Variants in PRICKLE2 observed in about 807,000 individuals in gnomAD.
The protein encoded by PRICKLE2 is prickle-like protein 2.
Under a neutral mutation model 81.4 loss-of-function variants are expected in PRICKLE2, and 21 were observed. That is an observed-to-expected ratio of 0.26 (90% CI 0.18 to 0.37). PRICKLE2 has a LOEUF of 0.37. Among genes scored for constraint, PRICKLE2 ranks in the 10% least tolerant of loss-of-function variants. The probability of loss-of-function intolerance (pLI) is 1.00; values close to 1 mark genes in which losing one functional copy is unlikely to be tolerated. For synonymous variants in PRICKLE2, 456 were observed against 421.5 expected (o/e 1.08, Z -1.00); for missense variants, 940 against 1,109.0 (o/e 0.85, Z 2.16).
intron 1 of PRICKLE2, among the ~76,000 whole-genome samples, chr3:64,212,561 G>T (rs1395493049): frequency 3.9e-5 from 6 of 152,164 alleles, no homozygotes; most frequent in Admixed American, 3.3e-4. Context: ...TGTGGACGAG[G>T]TTGGCTAAAC....
At chr3:64,158,666 G>A (rs892825144) in intron 4 of PRICKLE2, among the ~76,000 whole-genome samples, 3 of 152,134 alleles carry the variant, frequency 2.0e-5, no homozygotes, top group Admixed American at 6.5e-5. Context: ...GATCTGAGAG[G>A]AGCAAGGATT....
At chr3:64,239,224 G>A (rs2079226201) in intron 2 of PRICKLE2, among the ~76,000 whole-genome samples, 1 of 152,134 alleles carries the variant, frequency 6.6e-6, no homozygotes, top group African/African-American at 2.4e-5. Flanking sequence ...CTTAAATGGA[G>A]CACACAGAGC....
At chr3:64,205,568 C>A (rs1456643887) in intron 1 of PRICKLE2, among the ~76,000 whole-genome samples, 2 of 152,018 alleles carry the variant, frequency 1.3e-5, no homozygotes, top group Non-Finnish European at 2.9e-5. Flanking sequence ...AACCCTGAAC[C>A]ACAAGGTCTT....
rs1384074489 is a variant in PRICKLE2, at chr3:64,092,321, C to T, written c.*6730G>A. The T allele has an allele frequency of 1.3e-5, 2 of 152,188 alleles. No homozygotes were observed. Among genetic ancestry groups the T allele is most frequent in the Admixed American group, 6.5e-5 (1 of 15,280 alleles). 9.4% of individuals were successfully genotyped at this position (152,188 alleles called of 1,614,324 possible). A position where few individuals can be genotyped will look rare whatever the true frequency, so the allele number is the denominator to read the frequency against. Reference sequence around the variant, plus strand: ...CTCTTGTTGTCTGCCACTCCCAAGTCCTTGTGATTAGCTAGGGTGGGTAAG... The same window carrying T: ...CTCTTGTTGTCTGCCACTCCCAAGTTCTTGTGATTAGCTAGGGTGGGTAAG... On this transcript the variant is annotated 3_prime_UTR_variant, in exon 8 of 8. Coordinates refer to ENST00000638394, the MANE Select transcript of PRICKLE2 (RefSeq NM_198859.4).
chr3:64,144,025 A>G (rs1339171404), intron 7 of PRICKLE2, among the ~76,000 whole-genome samples: 1 of 151,812 alleles, frequency 6.6e-6, no homozygotes, highest in Non-Finnish European at 1.5e-5. Flanking sequence ...ATGGGAACAC[A>G]GATGTGGATG....
chr3:64,104,795 T>C (rs554622335), intron 7 of PRICKLE2: 2 of 152,354 alleles, frequency 1.3e-5, no homozygotes, highest in Admixed American at 1.3e-4. Context: ...CTGCTCACTC[T>C]AGAGAGGAGA....
At chr3:64,209,011 C>T (rs540309609) in intron 1 of PRICKLE2, among the ~76,000 whole-genome samples, 11 of 151,874 alleles carry the variant, frequency 7.2e-5, no homozygotes, top group African/African-American at 2.2e-4. Flanking sequence ...CATATCCATA[C>T]ATACATCCCA....
intron 2 of PRICKLE2, among the ~76,000 whole-genome samples, chr3:64,183,028 G>C (rs566222052): frequency 1.3e-5 from 2 of 152,274 alleles, no homozygotes; most frequent in East Asian, 1.9e-4. Flanking sequence ...TGGATTATCA[G>C]TTTGGAATAA....
Position 64,163,060 on chromosome 3 carries a change from G to C in PRICKLE2, c.214C>G (p.Arg72Gly). The change falls in exon 3 of 8, where the codon CGA becomes GGA. Residue 72 changes from arginine to glycine, a missense_variant. By Grantham distance (125) the Arg-to-Gly change is moderately radical (BLOSUM62 -2). This residue lies in a region of PRICKLE2 where 270 missense variants were observed against 391.8 expected (regional missense o/e 0.69). Transcript: ENST00000638394. The stretch of plus-strand genomic sequence containing the variant: ...AGCTGGTGTAGTAGCTGCTTGATTC[G>C]CAGTTTCTCTCCAGGACTGTTGACA... ...PYVNSPGEKL[R>G]IKQLLHQLPP... is the part of the protein sequence containing the mutation. 6.2e-7 allele frequency: 1 copy of C among 1,613,862 alleles called. No individual in the cohort carries two copies. Among genetic ancestry groups the C allele is most frequent in the Non-Finnish European group, 8.5e-7 (1 of 1,179,828 alleles).
intron 1 of PRICKLE2, among the ~76,000 whole-genome samples, chr3:64,202,135 G>A (rs1294125957): frequency 6.6e-6 from 1 of 152,190 alleles, no homozygotes; most frequent in Non-Finnish European, 1.5e-5. Context: ...GATGACTGCA[G>A]TTCTGCGGTA....
At chr3:64,222,052 G>C (rs1053893723) in intron 1 of PRICKLE2, among the ~76,000 whole-genome samples, 1 of 152,140 alleles carries the variant, frequency 6.6e-6, no homozygotes, top group Non-Finnish European at 1.5e-5. Flanking sequence ...GCCCCCTGTT[G>C]TTCACAGATC....
At chr3:64,172,806 G>T (rs2077955719) in intron 2 of PRICKLE2, among the ~76,000 whole-genome samples, 1 of 152,156 alleles carries the variant, frequency 6.6e-6, no homozygotes, top group Admixed American at 6.5e-5. Context: ...TAAGGCTGGG[G>T]CCCTATTCAA....
chr3:64,105,955 G>T (rs1235689862), intron 7 of PRICKLE2: 1 of 152,168 alleles, frequency 6.6e-6, no homozygotes, highest in Non-Finnish European at 1.5e-5. Flanking sequence ...CCTTTTTAAG[G>T]TTCATCATGA....
chr3:64,244,740 C>T (rs1469963696), intron 2 of PRICKLE2, among the ~76,000 whole-genome samples: 1 of 151,974 alleles, frequency 6.6e-6, no homozygotes, highest in Non-Finnish European at 1.5e-5. Context: ...ATGACCTAGG[C>T]TTCATCTGGT....
chr3:64,204,053 C>CA (rs2078638173), intron 1 of PRICKLE2, among the ~76,000 whole-genome samples: 1 of 152,102 alleles, frequency 6.6e-6, no homozygotes, highest in African/African-American at 2.4e-5. Flanking sequence ...AAATAACTAT[C>CA]AAGCACTTAC....
chr3:64,258,696 T>C (rs1043838433), intron 2 of PRICKLE2, among the ~76,000 whole-genome samples: 15 of 146,886 alleles, frequency 1.0e-4, no homozygotes, highest in East Asian at 9.9e-4. Context: ...TGGTGGCGGG[T>C]GCCTGCAGTC....
chr3:64,164,747 C>A (rs1045311348), intron 2 of PRICKLE2, among the ~76,000 whole-genome samples: 4 of 152,136 alleles, frequency 2.6e-5, no homozygotes, highest in African/African-American at 9.7e-5. Context: ...AGAGCTATGC[C>A]CAGGGGCAAT....
intron 7 of PRICKLE2, among the ~76,000 whole-genome samples, chr3:64,118,561 A>G (rs898330265): frequency 6.6e-6 from 1 of 152,248 alleles, no homozygotes; most frequent in East Asian, 1.9e-4. Flanking sequence ...ACTTTTCAAA[A>G]GAAGGCATAT....
chr3:64,224,042 T>C (rs565577242), intron 1 of PRICKLE2, among the ~76,000 whole-genome samples: 10 of 152,274 alleles, frequency 6.6e-5, no homozygotes, highest in Admixed American at 2.6e-4. Flanking sequence ...TGCATTGATA[T>C]GGGAAGCAGA....
Sources: allele counts gnomAD v4.1 joint callset (sites outside exome capture counted in the v4.1 genomes callset), GRCh38; gene constraint gnomAD v4.1.1; regional missense constraint gnomAD v4.1.1; transcripts MANE v1.5; gene names NCBI Gene and HGNC (gene_info 2026-07-23, HGNC 2026-07-21).